KIAA1217: variants seen among roughly 807,000 people sequenced by gnomAD.
KIAA1217 encodes the protein KIAA1217, also known as sickle tail protein homolog.
Under a neutral mutation model 163.9 loss-of-function variants are expected in KIAA1217, and 88 were observed. The observed-to-expected ratio is 0.54, with a 90% CI of 0.45 to 0.64. The LOEUF (loss-of-function observed/expected upper bound fraction) is 0.64, where lower values mean the gene tolerates loss of function less well. Ranked by LOEUF, KIAA1217 falls within the 30% of genes least tolerant of loss-of-function variation. KIAA1217 has a pLI of 0.00. For missense variants in KIAA1217, 2,372 were observed against 2,475.0 expected (o/e 0.96, Z 0.88); for synonymous variants, 903 against 923.1 (o/e 0.98, Z 0.39).
At chr10:23,767,472 A>G (rs1834593875) in intron 1 of KIAA1217, among the ~76,000 whole-genome samples, 1 of 152,202 alleles carries the variant, frequency 6.6e-6, no homozygotes, top group Admixed American at 6.5e-5. Flanking sequence ...ACAGTGGCTC[A>G]TGCCTGTAAT....
intron 4 of KIAA1217, among the ~76,000 whole-genome samples, chr10:24,436,554 C>G (rs369822596): frequency 1.3e-5 from 2 of 150,994 alleles, no homozygotes; most frequent in South Asian, 2.1e-4. Context: ...GTCAGGAGAT[C>G]GAGACCATCC....
intron 3 of KIAA1217, among the ~76,000 whole-genome samples, chr10:24,388,345 T>C (rs1211183984): frequency 2.6e-5 from 4 of 152,230 alleles, no homozygotes; most frequent in African/African-American, 9.6e-5. Context: ...CCGGGAAAAC[T>C]GGCTAGCCAT....
chr10:24,146,631 G>A (rs1379355368), intron 2 of KIAA1217, among the ~76,000 whole-genome samples: 4 of 152,150 alleles, frequency 2.6e-5, no homozygotes, highest in East Asian at 1.9e-4. Context: ...TGCAGTGAGC[G>A]GTGGTTGCAC....
chr10:23,944,949 C>T (rs1490973881), intron 1 of KIAA1217, among the ~76,000 whole-genome samples: 1 of 151,688 alleles, frequency 6.6e-6, no homozygotes, highest in Non-Finnish European at 1.5e-5. Flanking sequence ...ATTCCAGCTG[C>T]TCTGGAGGCT....
rs916507908 is a variant in KIAA1217 at position 24,349,704 on chromosome 10, A to C, written c.355-31165A>C. Reference sequence around the variant, plus strand: ...GCCAAGAACCGAAAGCCATTAAGGAAAATGAGTCACTTTCTGGATGCATTG... The same window carrying C: ...GCCAAGAACCGAAAGCCATTAAGGACAATGAGTCACTTTCTGGATGCATTG... On this transcript the variant is annotated intron_variant, in intron 2 of 20. Transcript: ENST00000376454. 2.0e-5 allele frequency among the ~76,000 whole-genome samples: 3 copies of C among 152,236 alleles called. No homozygotes were observed. The South Asian group carries it at 6.2e-4, about 32-fold the overall frequency.
At chr10:24,242,366 C>T (rs1443714866) in intron 2 of KIAA1217, among the ~76,000 whole-genome samples, 3 of 152,156 alleles carry the variant, frequency 2.0e-5, no homozygotes, top group Non-Finnish European at 4.4e-5. Context: ...TCTATTTCTG[C>T]ATTAATTTGC....
intron 1 of KIAA1217, among the ~76,000 whole-genome samples, chr10:23,857,262 C>A (rs1839735652): frequency 6.6e-6 from 1 of 152,186 alleles, no homozygotes. Context: ...GGGGTCAGAA[C>A]ATCTTATTCC....
At chr10:23,964,623 T>C (rs1844977156) in intron 1 of KIAA1217, among the ~76,000 whole-genome samples, 1 of 152,020 alleles carries the variant, frequency 6.6e-6, no homozygotes, top group African/African-American at 2.4e-5. Context: ...TGGCACCATC[T>C]CGGCTCACTG....
intron 2 of KIAA1217, among the ~76,000 whole-genome samples, chr10:24,304,340 T>G (rs1290091505): frequency 6.6e-6 from 1 of 152,024 alleles, no homozygotes; most frequent in Non-Finnish European, 1.5e-5. Flanking sequence ...TTATTTAAAT[T>G]TTTTTAACAT....
In KIAA1217 at chr10:24,513,237, G is replaced by T. The variant is rs115321607; in HGVS notation, c.2002-22G>T. ...TTTCAGGCAGGCAGAGCCCACTGAG[G>T]TTGATTTTTTTGTGTTCACAGCTGC... On this transcript the variant is annotated intron_variant, in intron 9 of 20. Transcript: ENST00000376454. 7.9e-4 allele frequency: 1,270 copies of T among 1,611,616 alleles called. 17 individuals carry two copies. In the African/African-American group the frequency reaches 0.015, roughly 19 times the overall value.
intron 2 of KIAA1217, among the ~76,000 whole-genome samples, chr10:24,077,657 T>C (rs2061410809): frequency 6.6e-6 from 1 of 152,242 alleles, no homozygotes; most frequent in Non-Finnish European, 1.5e-5. Flanking sequence ...TGTGTGTATC[T>C]TTGTGATACA....
At chr10:24,241,399 C>T (rs2073078815) in intron 2 of KIAA1217, among the ~76,000 whole-genome samples, 1 of 152,040 alleles carries the variant, frequency 6.6e-6, no homozygotes, top group South Asian at 2.1e-4. Context: ...TATGCTTTTG[C>T]CACTTTTTTC....
chr10:23,987,460 T>C (rs1433922528), intron 1 of KIAA1217, among the ~76,000 whole-genome samples: 2 of 152,008 alleles, frequency 1.3e-5, no homozygotes, highest in Non-Finnish European at 2.9e-5. Flanking sequence ...ATGGTACTTA[T>C]GTTCATGTGT....
At chr10:23,886,422 G>A (rs1841177962) in intron 1 of KIAA1217, among the ~76,000 whole-genome samples, 1 of 151,984 alleles carries the variant, frequency 6.6e-6, no homozygotes, top group African/African-American at 2.4e-5. Flanking sequence ...AAAGACAAAA[G>A]TTCTGTGTTA....
intron 2 of KIAA1217, among the ~76,000 whole-genome samples, chr10:24,314,329 A>G (rs751122500): frequency 1.3e-5 from 2 of 152,194 alleles, no homozygotes; most frequent in East Asian, 1.9e-4. Context: ...GCATCTTGAC[A>G]ACATGCGGGA....
At chr10:24,022,441 A>C (rs1206682525) in intron 2 of KIAA1217, among the ~76,000 whole-genome samples, 1 of 151,792 alleles carries the variant, frequency 6.6e-6, no homozygotes, top group Admixed American at 6.6e-5. Context: ...AAAATAAAAA[A>C]ATTTTAAAAA....
rs545603362 is a variant in KIAA1217, at chr10:24,083,655, T to C, written c.-171+76281T>C. The stretch of plus-strand genomic sequence containing the variant: ...TTGACACACATTTCTAAATATGTTT[T>C]CCATCCAATGTTAATGAGATTATGG... On this transcript the variant is annotated intron_variant, in intron 2 of 18. Coordinates refer to the KIAA1217 transcript ENST00000376462. Among the ~76,000 whole-genome samples, 13 of 152,364 alleles carry C rather than the reference T, an allele frequency of 8.5e-5. No individual in the cohort carries two copies. In the East Asian group the frequency reaches 2.5e-3, roughly 29 times the overall value.
At chr10:23,887,652 G>A (rs1444875029) in intron 1 of KIAA1217, among the ~76,000 whole-genome samples, 1 of 151,584 alleles carries the variant, frequency 6.6e-6, no homozygotes, top group Non-Finnish European at 1.5e-5. Flanking sequence ...AACTTGTTGG[G>A]CTTTCGTGAC....
At chr10:24,221,311 A>G (rs2082327996) in intron 2 of KIAA1217, among the ~76,000 whole-genome samples, 2 of 141,700 alleles carry the variant, frequency 1.4e-5, no homozygotes, top group African/African-American at 2.5e-5. Flanking sequence ...ACCTTTGTGT[A>G]TGGAGAATGT....
Sources: gnomAD v4.1 joint callset for allele counts (sites outside exome capture counted in the v4.1 genomes callset) on GRCh38, gnomAD v4.1.1 for gene constraint, MANE v1.5 for transcripts, NCBI Gene and HGNC (gene_info 2026-07-23, HGNC 2026-07-21) for gene names.